INPP5F: variants seen among roughly 807,000 people sequenced by gnomAD.
INPP5F encodes phosphatidylinositide 4-phosphatase SAC2.
In INPP5F, 97 loss-of-function variants were observed where a neutral mutation model predicts 137.2. That is an observed-to-expected ratio of 0.71 (90% confidence interval 0.60 to 0.84). INPP5F has a LOEUF of 0.84. INPP5F is among the 40% of genes least tolerant of loss of function. The pLI, the probability that INPP5F is intolerant of heterozygous loss-of-function variation, is 0.00. For synonymous variants in INPP5F, 504 were observed against 476.9 expected, an observed-to-expected ratio of 1.06 and a Z score of -0.74; for missense variants, 1,271 against 1,371.9, an observed-to-expected ratio of 0.93 and a Z score of 1.16.
chr10:119,804,727 C>CTT (rs879653729), intron 10 of INPP5F, among the ~76,000 whole-genome samples: 1 of 144,220 alleles, frequency 6.9e-6, no homozygotes, highest in Non-Finnish European at 1.5e-5. Context: ...ATCAGGGCAT[C>CTT]TTTTTTTTTT....
In INPP5F at chr10:119,787,359, C is replaced by A. The variant is rs924140358; in HGVS notation, c.316-4158C>A. Among the ~76,000 whole-genome samples, 1 of 152,042 alleles carries A rather than the reference C, an allele frequency of 6.6e-6. No homozygotes were observed. The highest frequency in any genetic ancestry group is 1.5e-5 in the Non-Finnish European group (1 of 68,000). On this transcript the variant is annotated intron_variant, in intron 3 of 19. Transcript: ENST00000650623. This position sits in a 1 kb window ranked among gnomAD's most constrained non-coding sequence, Gnocchi z 4.1. The stretch of plus-strand genomic sequence containing the variant: ...CAACACTTTGAGAGGCCGAGGCAAG[C>A]AGATAACTTGAGGTCAGGAGTTCAA...
intron 1 of INPP5F, among the ~76,000 whole-genome samples, chr10:119,737,571 G>A (rs1001268413): frequency 6.6e-6 from 1 of 152,198 alleles, no homozygotes; most frequent in Admixed American, 6.5e-5. Context: ...ATTTAAGACT[G>A]GGAAATCACC....
At chr10:119,820,384 A>G (rs1851507371) in intron 15 of INPP5F, among the ~76,000 whole-genome samples, 1 of 152,238 alleles carries the variant, frequency 6.6e-6, no homozygotes, top group African/African-American at 2.4e-5. Flanking sequence ...GTATTAATGT[A>G]AAAGTCTTTC....
chr10:119,741,415 G>A (rs150414895), intron 1 of INPP5F, among the ~76,000 whole-genome samples: 1 of 152,302 alleles, frequency 6.6e-6, no homozygotes, highest in African/African-American at 2.4e-5. Flanking sequence ...ATTCTGCATG[G>A]CCAGCAGTAC....
chr10:119,754,887 T>C (rs1848792368), intron 2 of INPP5F, among the ~76,000 whole-genome samples: 1 of 152,162 alleles, frequency 6.6e-6, no homozygotes, highest in South Asian at 2.1e-4. Context: ...TGAGAAAGAA[T>C]TGAGAAAATT....
intron 16 of INPP5F, 76 bp downstream of exon 16, chr10:119,820,993 CAAA>C: frequency 1.1e-6 from 1 of 912,798 alleles, no homozygotes; most frequent in Non-Finnish European, 1.8e-6. Flanking sequence ...GAATTCGTAA[CAAA>C]AAAATGTGAG....
Position 119,826,772 on chromosome 10 carries a change from T to TGGC in INPP5F, c.2392_2394dup (p.Gly798dup). ...AGCAGACCAAATCCAATGTAAATAT[T>TGGC]GGCAACCTCCGAAAGCTAGGAAACT... is the stretch of plus-strand genomic sequence containing the variant. On this transcript the variant is annotated inframe_insertion, in exon 20 of 20. Coordinates refer to ENST00000650623, the MANE Select transcript of INPP5F (RefSeq NM_014937.4). 6.2e-7 allele frequency: 1 copy of TGGC among 1,613,946 alleles called. No individual in the cohort carries two copies. Among genetic ancestry groups the TGGC allele is most frequent in the African/African-American group, 1.3e-5 (1 of 75,016 alleles).
At chr10:119,815,761 G>A (rs1159740460) in intron 15 of INPP5F, 1 of 168,116 alleles carries the variant, frequency 5.9e-6, no homozygotes, top group African/African-American at 2.4e-5. Flanking sequence ...TCACTGACTT[G>A]TGGAATTTGT....
At chr10:119,757,895 A>G (rs928493831) in intron 2 of INPP5F, among the ~76,000 whole-genome samples, 2 of 151,906 alleles carry the variant, frequency 1.3e-5, no homozygotes. Flanking sequence ...CTCCAAGAAG[A>G]CAGCAACTGG....
At chr10:119,814,565 G>A (rs1222839513) in intron 15 of INPP5F, 1 of 152,220 alleles carries the variant, frequency 6.6e-6, no homozygotes, top group East Asian at 1.9e-4. Context: ...CTGTACAGCT[G>A]AGGAGTTCTT....
At chr10:119,769,581 T>C (rs1849275910) in intron 2 of INPP5F, among the ~76,000 whole-genome samples, 2 of 152,162 alleles carry the variant, frequency 1.3e-5, no homozygotes, top group Admixed American at 1.3e-4. Context: ...CCCATTCTTA[T>C]CAGTGTAGGT....
At chr10:119,771,328 T>C (rs1849327707) in intron 2 of INPP5F, among the ~76,000 whole-genome samples, 1 of 152,242 alleles carries the variant, frequency 6.6e-6, no homozygotes, top group Non-Finnish European at 1.5e-5. Flanking sequence ...CTTGTATAGA[T>C]AGACTATGTT....
Position 119,806,499 on chromosome 10 carries a change from G to T in INPP5F, c.1440+19G>T. 1 of 1,567,046 alleles carries T rather than the reference G, an allele frequency of 6.4e-7. No homozygotes were observed. The highest frequency in any genetic ancestry group is 8.6e-7 in the Non-Finnish European group (1 of 1,162,252). On this transcript the variant is annotated intron_variant, in intron 12 of 19. Coordinates refer to ENST00000650623, the MANE Select transcript of INPP5F (RefSeq NM_014937.4). Reference sequence around the variant, plus strand: ...ACAGCAGGTAATTTGGAGTCTGTTGGATTGCAAATATTCATTTCGAAATGC... The same window carrying T: ...ACAGCAGGTAATTTGGAGTCTGTTGTATTGCAAATATTCATTTCGAAATGC...
At chr10:119,768,564 G>A (rs1247835084) in intron 2 of INPP5F, 1 of 152,068 alleles carries the variant, frequency 6.6e-6, no homozygotes, top group African/African-American at 2.4e-5. Flanking sequence ...GAAAGAAAAG[G>A]AAAAAAATTA....
At chr10:119,825,253 T>C (rs902084965) in intron 19 of INPP5F, among the ~76,000 whole-genome samples, 4 of 152,356 alleles carry the variant, frequency 2.6e-5, no homozygotes, top group Non-Finnish European at 4.4e-5. Context: ...TTCTTTAGAA[T>C]AGCATCCTCA....
At chr10:119,793,151 A>G (rs1431860602) in intron 6 of INPP5F, among the ~76,000 whole-genome samples, 1 of 152,210 alleles carries the variant, frequency 6.6e-6, no homozygotes, top group Non-Finnish European at 1.5e-5. Context: ...TCGAGCTCTA[A>G]CATGTTTTGC....
rs369611690 is a variant in INPP5F at position 119,806,958 on chromosome 10, TC to T, written c.1440+480del. Among the ~76,000 whole-genome samples the T allele has an allele frequency of 2.9e-4, 44 of 152,138 alleles. No homozygotes were observed. The East Asian group carries it at 6.2e-3, about 21-fold the overall frequency. On this transcript the variant is annotated intron_variant, in intron 12 of 19. Coordinates refer to ENST00000650623, the MANE Select transcript of INPP5F (RefSeq NM_014937.4). ...TCCTTGAGTGCCTCCTATTGGCAGATCCAGCAGGCCAAGCAGAAATGTGGTG... is the reference window on the plus strand; with the variant it reads ...TCCTTGAGTGCCTCCTATTGGCAGATCAGCAGGCCAAGCAGAAATGTGGTG...
In INPP5F at chr10:119,787,493, G is replaced by A. The variant is rs541565618; in HGVS notation, c.316-4024G>A. On this transcript the variant is annotated intron_variant, in intron 3 of 19. Transcript: ENST00000650623. This position sits in a 1 kb window ranked among gnomAD's most constrained non-coding sequence, Gnocchi z 4.1. The stretch of plus-strand genomic sequence containing the variant: ...CTCGGGAGGCTAAGGTGGAAGAACC[G>A]CTTGGATCTGGGAGGCGGAGGTTGC... Among the ~76,000 whole-genome samples the A allele has an allele frequency of 2.0e-5, 3 of 152,110 alleles. No homozygotes were observed. Among genetic ancestry groups the A allele is most frequent in the African/African-American group, 4.8e-5 (2 of 41,418 alleles).
intron 15 of INPP5F, among the ~76,000 whole-genome samples, chr10:119,818,476 C>G (rs900234373): frequency 1.3e-5 from 2 of 152,232 alleles, no homozygotes; most frequent in Non-Finnish European, 2.9e-5. Flanking sequence ...CCCGCCAGCG[C>G]CCCCCTCCAG....
Sources: allele counts gnomAD v4.1 joint callset (sites outside exome capture counted in the v4.1 genomes callset), GRCh38; gene constraint gnomAD v4.1.1; non-coding constraint Gnocchi (gnomAD v3.1); transcripts MANE v1.5; gene names NCBI Gene and HGNC (gene_info 2026-07-23, HGNC 2026-07-21).